Variants in MVB12B observed in about 807,000 individuals in gnomAD.
MVB12B encodes ESCRT-I complex subunit MVB12B.
A neutral mutation model predicts 41.6 loss-of-function variants in MVB12B; 16 were observed. The ratio of observed to expected loss-of-function variants is 0.38; its 90% CI spans 0.26 to 0.58. The LOEUF is 0.58. MVB12B is among the 20% of genes least tolerant of loss of function. MVB12B has a pLI of 0.62. For missense variants in MVB12B, 274 were observed against 380.2 expected, an observed-to-expected ratio of 0.72 and a Z score of 2.32; for synonymous variants, 133 against 139.7, an observed-to-expected ratio of 0.95 and a Z score of 0.34.
At chr9:126,494,092 A>G (rs1179556781) in intron 9 of MVB12B, among the ~76,000 whole-genome samples, 1 of 150,754 alleles carries the variant, frequency 6.6e-6, no homozygotes, top group African/African-American at 2.4e-5. Context: ...ATTTATAGAC[A>G]TTGTTTTTTT....
chr9:126,495,504 C>T (rs1436171664), intron 9 of MVB12B, among the ~76,000 whole-genome samples: 2 of 152,176 alleles, frequency 1.3e-5, no homozygotes, highest in Non-Finnish European at 2.9e-5. Flanking sequence ...GTACGAGAAA[C>T]GTTTTGCTTT....
At chr9:126,381,564 A>G (rs961558813) in intron 3 of MVB12B, among the ~76,000 whole-genome samples, 4 of 152,112 alleles carry the variant, frequency 2.6e-5, no homozygotes, top group African/African-American at 4.8e-5. Context: ...ACCCCACCCC[A>G]TGCCCTTGCT....
Position 126,386,807 on chromosome 9 carries a change from G to A in MVB12B, c.409+149G>A. 3 of 626,124 alleles carry A rather than the reference G, an allele frequency of 4.8e-6. No individual in the cohort carries two copies. In the South Asian group the frequency reaches 5.7e-5, roughly 12 times the overall value. The allele number at this position is 626,124 out of a possible 1,614,324, so 38.8% of individuals were successfully genotyped here. Reference sequence around the variant, plus strand: ...GAACAAACCCTGCTGCTTTTGATGTGTGTCTGGCTGGGTTCTCCAAGGAGT... The same window carrying A: ...GAACAAACCCTGCTGCTTTTGATGTATGTCTGGCTGGGTTCTCCAAGGAGT... On this transcript the variant is annotated intron_variant, in intron 4 of 9. Coordinates refer to ENST00000361171, the MANE Select transcript of MVB12B (RefSeq NM_033446.3). The surrounding 1 kb of genome is among the most constrained non-coding windows in gnomAD (Gnocchi z 4.3).
At chr9:126,481,210 ACCTGT>A in intron 7 of MVB12B, 154 bp from the exon 8 acceptor site, 1 of 690,662 alleles carries the variant, frequency 1.4e-6, no homozygotes, top group East Asian at 2.5e-5. Flanking sequence ...CAGGGGTGGG[ACCTGT>A]CCTCTTTCAT....
intron 3 of MVB12B, among the ~76,000 whole-genome samples, chr9:126,385,807 A>G (rs1373655225): frequency 6.6e-6 from 1 of 152,228 alleles, no homozygotes; most frequent in African/African-American, 2.4e-5. Context: ...GTTGTAGGGT[A>G]GATATCTTTA....
chr9:126,427,899 G>C (rs1340793400), intron 7 of MVB12B, among the ~76,000 whole-genome samples: 1 of 151,852 alleles, frequency 6.6e-6, no homozygotes, highest in Non-Finnish European at 1.5e-5. Context: ...GCTGTAACCT[G>C]AATCTATCCT....
chr9:126,401,199 T>C (rs1199100603), intron 6 of MVB12B, among the ~76,000 whole-genome samples: 1 of 152,168 alleles, frequency 6.6e-6, no homozygotes. Flanking sequence ...CACAGAGCAT[T>C]TCCCAGCCAT....
chr9:126,327,159 G>A (rs1829004551), intron 1 of MVB12B, 149 bp downstream of exon 1: 1 of 730,134 alleles, frequency 1.4e-6, no homozygotes, highest in Non-Finnish European at 1.7e-6. Context: ...TGCCCGGCCC[G>A]CGGCGGGGAC....
intron 7 of MVB12B, among the ~76,000 whole-genome samples, chr9:126,422,814 C>T (rs768357807): frequency 2.6e-5 from 4 of 152,310 alleles, no homozygotes; most frequent in Non-Finnish European, 5.9e-5. Flanking sequence ...AGAACAATGG[C>T]ATAATTCTTG....
Position 126,484,522 on chromosome 9 carries a change from AC to A in MVB12B, c.873+492del, listed in dbSNP as rs1833593065. Among the ~76,000 whole-genome samples, 2 of 48,354 alleles carry A rather than the reference AC, an allele frequency of 4.1e-5. 1 individual carries two copies. 31.7% of individuals were successfully genotyped at this position (48,354 alleles called of 152,430 possible). A position where few individuals can be genotyped will look rare whatever the true frequency, so the allele number is the denominator to read the frequency against. ...CCACTGTGCTTCATGAGGTCAGGGT[AC>A]CTTCTTCCACTGTGCTTCATGAGGT... On this transcript the variant is annotated intron_variant, in intron 9 of 9. Transcript: ENST00000361171.
intron 9 of MVB12B, among the ~76,000 whole-genome samples, chr9:126,494,866 C>T (rs1263648088): frequency 1.3e-5 from 2 of 149,866 alleles, no homozygotes; most frequent in Non-Finnish European, 3.0e-5. Context: ...AGGGAGCACC[C>T]CACCCCCCCC....
At chr9:126,356,397 G>A (rs1829881855) in intron 2 of MVB12B, among the ~76,000 whole-genome samples, 2 of 152,044 alleles carry the variant, frequency 1.3e-5, no homozygotes, top group South Asian at 4.1e-4. Flanking sequence ...TGTCATTTCT[G>A]TTATTGTACG....
At chr9:126,497,509 G>A (rs980311973) in intron 9 of MVB12B, among the ~76,000 whole-genome samples, 1 of 152,124 alleles carries the variant, frequency 6.6e-6, no homozygotes, top group Non-Finnish European at 1.5e-5. Flanking sequence ...GTGGCAAGGA[G>A]GTTCTGTCCT....
rs558093680 is a variant in MVB12B, at chr9:126,483,955, C to T, written c.814-18C>T. On this transcript the variant is annotated intron_variant, in intron 8 of 9. Coordinates refer to ENST00000361171, the MANE Select transcript of MVB12B (RefSeq NM_033446.3). The stretch of plus-strand genomic sequence containing the variant: ...ATTTTCCAGCTATTTAAAAGGGCAA[C>T]TTCATCTGTGTTTTCAGATGCAGCC... The T allele has an allele frequency of 3.7e-6, 6 of 1,613,864 alleles. No homozygotes were observed. Among genetic ancestry groups the T allele is most frequent in the South Asian group, 1.1e-5 (1 of 91,058 alleles).
chr9:126,345,407 C>T (rs907682520), intron 2 of MVB12B, among the ~76,000 whole-genome samples: 1 of 152,258 alleles, frequency 6.6e-6, no homozygotes, highest in Admixed American at 6.5e-5. Flanking sequence ...GACAGATCAG[C>T]CTCAGGCTCC....
intron 6 of MVB12B, among the ~76,000 whole-genome samples, chr9:126,413,011 G>T (rs1831696246): frequency 6.6e-6 from 1 of 152,128 alleles, no homozygotes; most frequent in Non-Finnish European, 1.5e-5. Flanking sequence ...TCATTGGGCT[G>T]CTCCCAGTTC....
At chr9:126,461,630 G>A (rs192297684) in intron 7 of MVB12B, among the ~76,000 whole-genome samples, 2 of 152,298 alleles carry the variant, frequency 1.3e-5, no homozygotes, top group Non-Finnish European at 2.9e-5. Context: ...AAATGTTTTC[G>A]TGAGGGTGCT....
chr9:126,450,860 T>G (rs901995815), intron 7 of MVB12B, among the ~76,000 whole-genome samples: 1 of 152,162 alleles, frequency 6.6e-6, no homozygotes, highest in Admixed American at 6.5e-5. Context: ...GGCTGGGTTT[T>G]GGGAGGCAGA....
At chr9:126,356,577 A>G (rs1459409933) in intron 2 of MVB12B, among the ~76,000 whole-genome samples, 1 of 151,956 alleles carries the variant, frequency 6.6e-6, no homozygotes, top group South Asian at 2.1e-4. Flanking sequence ...TCACCCCTAA[A>G]AGGTTCCTCC....
Sources: gnomAD v4.1 joint callset for allele counts (sites outside exome capture counted in the v4.1 genomes callset) on GRCh38, gnomAD v4.1.1 for gene constraint, Gnocchi (gnomAD v3.1) non-coding constraint, MANE v1.5 for transcripts, NCBI Gene and HGNC (gene_info 2026-07-23, HGNC 2026-07-21) for gene names.